ZC3H12A: variants seen among roughly 807,000 people sequenced by gnomAD.
The protein encoded by ZC3H12A is zinc finger CCCH-type containing 12A, also known as endoribonuclease ZC3H12A.
Under a neutral mutation model 29.9 loss-of-function variants are expected in ZC3H12A, and 9 were observed. That is an observed-to-expected ratio of 0.30 (90% CI 0.18 to 0.53). The LOEUF is 0.53. Among genes scored for constraint, ZC3H12A ranks in the 20% least tolerant of loss-of-function variants. The probability of loss-of-function intolerance (pLI) is 0.96; values close to 1 mark genes in which losing one functional copy is unlikely to be tolerated. For missense variants in ZC3H12A, 617 were observed against 799.0 expected (o/e 0.77, Z 2.75); for synonymous variants, 323 against 338.1 (o/e 0.96, Z 0.49).
intron 5 of ZC3H12A, 87 bp downstream of exon 5, chr1:37,482,627 G>T (rs747755816): frequency 1.2e-6 from 2 of 1,607,796 alleles, no homozygotes; most frequent in Non-Finnish European, 1.7e-6. Flanking sequence ...TCCTCTTGGG[G>T]ACCTCCACCA....
chr1:37,482,925 G>C lies in ZC3H12A; in HGVS notation c.1114G>C (p.Glu372Gln). ...SQSSSLLTES[E>Q]QCSLDGKKLG... is the part of the protein sequence containing the mutation. ...GTCCAGCTCTCTGCTAACAGAGAGT[G>C]AGCAGTGCAGCCTGGATGGGAAGAA... Residue 372 changes from glutamate (E) to glutamine (Q), a missense_variant, in exon 6 of 6, where the codon GAG becomes CAG. Around this residue, in one of 5 missense-constraint regions of ZC3H12A, gnomAD observed 115 missense variants for 112.5 expected, o/e 1.02. Coordinates refer to ENST00000373087, the MANE Select transcript of ZC3H12A (RefSeq NM_025079.3). 1 of 1,613,718 alleles carries C rather than the reference G, an allele frequency of 6.2e-7. No homozygotes were observed. Among genetic ancestry groups the C allele is most frequent in the South Asian group, 1.1e-5 (1 of 91,082 alleles).
In ZC3H12A at chr1:37,475,986, C is replaced by T. The variant is rs1187364122; in HGVS notation, c.443+47C>T. 1 of 1,457,384 alleles carries T rather than the reference C, an allele frequency of 6.9e-7. No homozygotes were observed. The highest frequency in any genetic ancestry group is 1.4e-5 in the African/African-American group (1 of 70,870). The allele number at this position is 1,457,384 out of a possible 1,614,324, so 90.3% of individuals were successfully genotyped here. ...AGGACACATGAGGTTCGCATCTCTC[C>T]TGTGGCCAGGACACATGGAAGGATG... On this transcript the variant is annotated intron_variant, in intron 2 of 5. Coordinates refer to ENST00000373087, the MANE Select transcript of ZC3H12A (RefSeq NM_025079.3). This position sits in a 1 kb window ranked among gnomAD's most constrained non-coding sequence, Gnocchi z 5.2.
rs781603024 is a variant in ZC3H12A at position 37,475,892 on chromosome 1, C to T, written c.396C>T (p.Gly132=). 12 of 1,537,634 alleles carry T rather than the reference C, an allele frequency of 7.8e-6. No individual in the cohort carries two copies. In the African/African-American group the frequency reaches 1.1e-4, roughly 14 times the overall value. ...EPPLPEEEKE[G]SDLRPVVIDG... ...CACTCCCAGAAGAGGAAAAGGAGGG[C>T]AGCGACCTGAGACCAGTGGTCATCG... The change falls in exon 2 of 6, where the codon GGC becomes GGT. Residue 132 remains glycine (G), a synonymous_variant. Coordinates refer to ENST00000373087, the MANE Select transcript of ZC3H12A (RefSeq NM_025079.3). This position sits in a 1 kb window ranked among gnomAD's most constrained non-coding sequence, Gnocchi z 5.2.
At position 37,483,728 on chromosome 1, in the gene ZC3H12A, G is replaced by A; in HGVS notation, c.*117G>A. The A allele has an allele frequency of 7.4e-7, 1 of 1,345,118 alleles. No homozygotes were observed. The highest frequency in any genetic ancestry group is 9.9e-7 in the Non-Finnish European group (1 of 1,011,796). 83.3% of individuals were successfully genotyped at this position (1,345,118 alleles called of 1,614,324 possible). A position where few individuals can be genotyped will look rare whatever the true frequency, so the allele number is the denominator to read the frequency against. On this transcript the variant is annotated 3_prime_UTR_variant, in exon 6 of 6. Coordinates refer to ENST00000373087, the MANE Select transcript of ZC3H12A (RefSeq NM_025079.3). ...GGCCCACCCCAGAGGCTGGACAGAGGGAGGATTCAAGTCGGGAAGGAAACC... is the reference window on the plus strand; with the variant it reads ...GGCCCACCCCAGAGGCTGGACAGAGAGAGGATTCAAGTCGGGAAGGAAACC...
chr1:37,483,052 G>A lies in ZC3H12A; in HGVS notation c.1241G>A (p.Ser414Asn). The part of the protein sequence containing the change: ...SLAPSGGSGS[S>N]FGPTDWLPQT... ...GCACCTAGCGGGGGCAGTGGCAGCA[G>A]CTTTGGGCCCACAGACTGGCTCCCA... Residue 414 changes from serine to asparagine, a missense_variant, in exon 6 of 6, where the codon AGC becomes AAC. Physicochemically the swap from Ser to Asn is conservative, Grantham distance 46. This residue lies in a region of ZC3H12A where 115 missense variants were observed against 112.5 expected (regional missense o/e 1.02). Transcript: ENST00000373087. The A allele has an allele frequency of 1.2e-6, 2 of 1,608,048 alleles. No homozygotes were observed. The highest frequency in any genetic ancestry group is 1.7e-6 in the Non-Finnish European group (2 of 1,177,608).
rs1557596841 is a variant in ZC3H12A, at chr1:37,483,431, G to C, written c.1620G>C (p.Arg540Ser). 3.7e-6 allele frequency: 6 copies of C among 1,614,048 alleles called. No individual in the cohort carries two copies. Among genetic ancestry groups the C allele is most frequent in the East Asian group, 2.2e-5 (1 of 44,872 alleles). The change falls in exon 6 of 6, where the codon AGG (arginine) becomes AGC (serine). Residue 540 changes from arginine to serine, a missense_variant. Coordinates refer to ENST00000373087, the MANE Select transcript of ZC3H12A (RefSeq NM_025079.3). ...EPPVQSPGAG[R>S]SPWGRAGSLA... ...CAGTGCAGAGCCCAGGGGCTGGCAG[G>C]AGCCCGTGGGGCAGGGCAGGCAGCC...
Position 37,478,097 on chromosome 1 carries a change from A to G in ZC3H12A, c.443+2158A>G, listed in dbSNP as rs1569920485. Among the ~76,000 whole-genome samples, 1 of 152,166 alleles carries G rather than the reference A, an allele frequency of 6.6e-6. No homozygotes were observed. The highest frequency in any genetic ancestry group is 2.4e-5 in the African/African-American group (1 of 41,436). ...CATGCGCACACTGCATACCTGAGACAAGGAGCCAGGCCTGGGATGACCCAG... is the reference window on the plus strand; with the variant it reads ...CATGCGCACACTGCATACCTGAGACGAGGAGCCAGGCCTGGGATGACCCAG... On this transcript the variant is annotated intron_variant, in intron 2 of 5. Transcript: ENST00000373087. The surrounding 1 kb of genome is among the most constrained non-coding windows in gnomAD (Gnocchi z 5.2).
Position 37,483,035 on chromosome 1 carries a change from C to G in ZC3H12A, c.1224C>G (p.Ser408Arg). 1 of 1,606,884 alleles carries G rather than the reference C, an allele frequency of 6.2e-7. No homozygotes were observed. Among genetic ancestry groups the G allele is most frequent in the Non-Finnish European group, 8.5e-7 (1 of 1,176,916 alleles). The change falls in exon 6 of 6, where the codon AGC (serine) becomes AGG (arginine). Residue 408 changes from serine to arginine, a missense_variant. Physicochemically the swap from Ser to Arg is moderately radical, Grantham distance 110 (BLOSUM62 -1). Transcript: ENST00000373087. Reference sequence around the variant, plus strand: ...CATCAGGCAGGAGCCTCGCACCTAGCGGGGGCAGTGGCAGCAGCTTTGGGC... The same window carrying G: ...CATCAGGCAGGAGCCTCGCACCTAGGGGGGGCAGTGGCAGCAGCTTTGGGC... Reference protein sequence around the residue: ...YAPSGRSLAPSGGSGSSFGPT... With the variant: ...YAPSGRSLAPRGGSGSSFGPT...
In ZC3H12A at chr1:37,479,822, G is replaced by A. The variant is rs539423280; in HGVS notation, c.444-468G>A. ...CCCACGCTGCAAGAGGCGAGGGAGG[G>A]GTGGTGACTCAGTGTGCATGTGTAC... On this transcript the variant is annotated intron_variant, in intron 2 of 5. Coordinates refer to ENST00000373087, the MANE Select transcript of ZC3H12A (RefSeq NM_025079.3). This position sits in a 1 kb window ranked among gnomAD's most constrained non-coding sequence, Gnocchi z 4.5. 11 of 985,426 alleles carry A rather than the reference G, an allele frequency of 1.1e-5. No homozygotes were observed. The East Asian group carries it at 1.1e-3, about 102-fold the overall frequency. 61.0% of individuals were successfully genotyped at this position (985,426 alleles called of 1,614,324 possible).
chr1:37,477,545 C>G (rs1368978384), intron 2 of ZC3H12A, among the ~76,000 whole-genome samples: 1 of 152,174 alleles, frequency 6.6e-6, no homozygotes, highest in African/African-American at 2.4e-5. Flanking sequence ...TGGGGAAATT[C>G]ACCTCTGTTT....
At chr1:37,474,978 C>G (rs893558576) in intron 1 of ZC3H12A, among the ~76,000 whole-genome samples, 8 of 152,222 alleles carry the variant, frequency 5.3e-5, no homozygotes, top group Admixed American at 2.0e-4. Context: ...ACTTGCCCTC[C>G]CCGGCTCCGG....
chr1:37,475,352 C>T lies in ZC3H12A; in HGVS notation c.-38-107C>T, dbSNP rs1029886552. On this transcript the variant is annotated intron_variant, in intron 1 of 5. Coordinates refer to ENST00000373087, the MANE Select transcript of ZC3H12A (RefSeq NM_025079.3). The surrounding 1 kb of genome is among the most constrained non-coding windows in gnomAD (Gnocchi z 5.2). ...GAGAGGACAACCTGAACTAATAACA[C>T]GATGCAGTGTGTAGTGCCACCAATC... 1.2e-6 allele frequency: 1 copy of T among 853,484 alleles called. No homozygotes were observed. The highest frequency in any genetic ancestry group is 1.8e-6 in the Non-Finnish European group (1 of 548,420). 52.9% of individuals were successfully genotyped at this position (853,484 alleles called of 1,614,324 possible). A position where few individuals can be genotyped will look rare whatever the true frequency, so the allele number is the denominator to read the frequency against.
Position 37,481,569 on chromosome 1 carries a change from G to A in ZC3H12A, c.584-32G>A, listed in dbSNP as rs1569926087. On this transcript the variant is annotated intron_variant, in intron 3 of 5. Coordinates refer to ENST00000373087, the MANE Select transcript of ZC3H12A (RefSeq NM_025079.3). ...TAGGCCTGGCTCTAGGTCCCGCTGG[G>A]CCCTGACCTGTGTGCACCCGTCACC... 1.9e-6 allele frequency: 3 copies of A among 1,611,014 alleles called. No individual in the cohort carries two copies. The East Asian group carries it at 6.7e-5, about 36-fold the overall frequency.
At chr1:37,480,223 C>T in intron 2 of ZC3H12A, 67 bp from the exon 3 acceptor site, 5 of 1,561,258 alleles carry the variant, frequency 3.2e-6, no homozygotes, top group Non-Finnish European at 3.5e-6. Flanking sequence ...CCTCCCTCCT[C>T]CTGCTCAGGC....
chr1:37,483,207 G>A lies in ZC3H12A; in HGVS notation c.1396G>A (p.Ala466Thr). ...CCCTGGTGAGCCGGGCCCACCCCGA[G>A]CCCCTTACACGGGCTACAGTCCCTA... ...GGPGEPGPPR[A>T]PYTGYSPYGS... The change falls in exon 6 of 6, where the codon GCC becomes ACC. Residue 466 changes from alanine to threonine, a missense_variant. By Grantham distance (58) the Ala-to-Thr change is moderately conservative (BLOSUM62 0). Around this residue, in one of 5 missense-constraint regions of ZC3H12A, gnomAD observed 172 missense variants for 203.1 expected, o/e 0.85. Coordinates refer to ENST00000373087, the MANE Select transcript of ZC3H12A (RefSeq NM_025079.3). 6.2e-7 allele frequency: 1 copy of A among 1,613,580 alleles called. No homozygotes were observed. The highest frequency in any genetic ancestry group is 8.5e-7 in the Non-Finnish European group (1 of 1,179,900).
chr1:37,480,198 G>T, intron 2 of ZC3H12A, 92 bp from the exon 3 acceptor site: 1 of 1,534,644 alleles, frequency 6.5e-7, no homozygotes, highest in Non-Finnish European at 8.8e-7. Context: ...CCAGGGCAGG[G>T]GTGGGGTGTG....
At position 37,479,394 on chromosome 1, in the gene ZC3H12A, C is replaced by G; in HGVS notation, c.444-896C>G. 2.0e-6 allele frequency: 2 copies of G among 985,452 alleles called. No homozygotes were observed. The highest frequency in any genetic ancestry group is 2.4e-6 in the Non-Finnish European group (2 of 829,934). The allele number at this position is 985,452 out of a possible 1,614,324, so 61.0% of individuals were successfully genotyped here. On this transcript the variant is annotated intron_variant, in intron 2 of 5. Coordinates refer to ENST00000373087, the MANE Select transcript of ZC3H12A (RefSeq NM_025079.3). The surrounding 1 kb of genome is among the most constrained non-coding windows in gnomAD (Gnocchi z 4.5). ...CAGATAGAGGAACGGAGAGCTGCGG[C>G]AGCCCAGGAGCCCTGCCAGGCTTCC...
rs1641641718 is a variant in ZC3H12A at position 37,478,763 on chromosome 1, G to A, written c.444-1527G>A. The A allele has an allele frequency of 1.2e-6, 1 of 824,074 alleles. No homozygotes were observed. Among genetic ancestry groups the A allele is most frequent in the Non-Finnish European group, 1.5e-6 (1 of 682,592 alleles). The allele number at this position is 824,074 out of a possible 1,614,324, so 51.0% of individuals were successfully genotyped here. On this transcript the variant is annotated intron_variant, in intron 2 of 5. Transcript: ENST00000373087. This position sits in a 1 kb window ranked among gnomAD's most constrained non-coding sequence, Gnocchi z 5.2. Reference sequence around the variant, plus strand: ...GGGAAGGAGTTGATGATGGTATAGTGCCCTCCTCACAAGCTTGCTGATGAT... The same window carrying A: ...GGGAAGGAGTTGATGATGGTATAGTACCCTCCTCACAAGCTTGCTGATGAT...
intron 2 of ZC3H12A, among the ~76,000 whole-genome samples, chr1:37,477,022 C>T (rs1641605162): frequency 6.6e-6 from 1 of 152,222 alleles, no homozygotes; most frequent in Admixed American, 6.5e-5. Flanking sequence ...CCCAGCTCAG[C>T]AGGCATGCAG....
Sources: gnomAD v4.1 joint callset for allele counts (sites outside exome capture counted in the v4.1 genomes callset) on GRCh38, gnomAD v4.1.1 for gene constraint, gnomAD v4.1.1 regional missense constraint, Gnocchi (gnomAD v3.1) non-coding constraint, MANE v1.5 for transcripts, NCBI Gene and HGNC (gene_info 2026-07-23, HGNC 2026-07-21) for gene names.